PSG2: variants seen among roughly 807,000 people sequenced by gnomAD.
PSG2 encodes the protein pregnancy-specific beta-1-glycoprotein 2.
In PSG2, 49 loss-of-function variants were observed where a neutral mutation model predicts 36.2. The observed-to-expected ratio is 1.35, with a 90% confidence interval of 1.08 to 1.72. The LOEUF is 1.72. PSG2 is among the 40% of genes most tolerant of loss of function. The pLI, the probability that PSG2 is intolerant of heterozygous loss-of-function variation, is 0.00. For missense variants in PSG2, 605 were observed against 407.2 expected (o/e 1.49, Z -4.18); for synonymous variants, 261 against 155.6 (o/e 1.68, Z -5.04).
At position 43,081,161 on chromosome 19, in the gene PSG2, A is replaced by G. The variant is rs1270190299; in HGVS notation, c.150T>C (p.Asp50=). The G allele has an allele frequency of 3.1e-6, 5 of 1,612,698 alleles. No homozygotes were observed. In the Admixed American group the frequency reaches 6.7e-5, roughly 22 times the overall value. The change falls in exon 2 of 6, where the codon GAT becomes GAC. Residue 50 remains aspartate, a synonymous_variant. Transcript: ENST00000406487. ...GCAAATTGTGGACAAGTAGAAGAAC[A>G]TCCTTCCCCTCGGAAACTTTTGGTG... is the stretch of plus-strand genomic sequence containing the variant. ...AQPPKVSEGK[D]VLLLVHNLPQ...
At chr19:43,076,420 T>C (rs536924172) in intron 2 of PSG2, among the ~76,000 whole-genome samples, 5 of 151,922 alleles carry the variant, frequency 3.3e-5, no homozygotes, top group African/African-American at 1.2e-4. Context: ...TGGACCTTTC[T>C]AGAAATACAT....
At chr19:43,078,783 A>G (rs946454345) in intron 2 of PSG2, among the ~76,000 whole-genome samples, 3 of 151,662 alleles carry the variant, frequency 2.0e-5, no homozygotes, top group African/African-American at 7.3e-5. Flanking sequence ...CACCATTTCA[A>G]TAATTTTTTT....
chr19:43,073,994 T>C (rs1401102513), intron 3 of PSG2, among the ~76,000 whole-genome samples: 1 of 151,740 alleles, frequency 6.6e-6, no homozygotes, highest in Non-Finnish European at 1.5e-5. Context: ...GCCCTTTTTT[T>C]TCTCTCACCA....
chr19:43,078,721 G>C (rs933911090), intron 2 of PSG2, among the ~76,000 whole-genome samples: 1 of 151,626 alleles, frequency 6.6e-6, no homozygotes, highest in Non-Finnish European at 1.5e-5. Flanking sequence ...ATAAACCTCT[G>C]TCCTCCTGTT....
chr19:43,071,486 C>G (rs1033948307), intron 4 of PSG2, among the ~76,000 whole-genome samples: 1 of 151,626 alleles, frequency 6.6e-6, no homozygotes, highest in African/African-American at 2.4e-5. Context: ...CCCTACCTTT[C>G]TCAGGCGAGA....
intron 4 of PSG2, among the ~76,000 whole-genome samples, chr19:43,067,463 T>C (rs1967755659): frequency 6.6e-6 from 1 of 151,268 alleles, no homozygotes. Flanking sequence ...TATATATATA[T>C]GGAAAAAGGT....
chr19:43,074,158 T>C (rs1967858759), intron 3 of PSG2, among the ~76,000 whole-genome samples: 1 of 151,622 alleles, frequency 6.6e-6, no homozygotes, highest in Admixed American at 6.6e-5. Context: ...TTTTTCACAG[T>C]GTTTCTGTTG....
intron 3 of PSG2, among the ~76,000 whole-genome samples, chr19:43,075,011 G>C (rs989195444): frequency 6.6e-6 from 1 of 151,638 alleles, no homozygotes; most frequent in Non-Finnish European, 1.5e-5. Flanking sequence ...GAAAATCCTG[G>C]TCTGTGGAAG....
At chr19:43,073,961 G>A (rs951617631) in intron 3 of PSG2, among the ~76,000 whole-genome samples, 1 of 151,696 alleles carries the variant, frequency 6.6e-6, no homozygotes, top group African/African-American at 2.4e-5. Context: ...AAAAGTGGGA[G>A]GTGATAAGCC....
chr19:43,066,251 G>A (rs1967737904), intron 5 of PSG2, among the ~76,000 whole-genome samples: 1 of 151,544 alleles, frequency 6.6e-6, no homozygotes, highest in Non-Finnish European at 1.5e-5. Flanking sequence ...AATGAAGAGG[G>A]TTTCACCATG....
Position 43,071,651 on chromosome 19 carries a change from A to G in PSG2, c.964+49T>C, listed in dbSNP as rs1063003. 1.2e-5 allele frequency: 19 copies of G among 1,612,634 alleles called. 1 individual carries two copies. The highest frequency in any genetic ancestry group is 8.3e-5 in the Admixed American group (5 of 59,960). On this transcript the variant is annotated intron_variant, in intron 4 of 5. Coordinates refer to ENST00000406487, the MANE Select transcript of PSG2 (RefSeq NM_031246.4). The stretch of plus-strand genomic sequence containing the variant: ...TTCCTGACTCTTCTCTGAAAGCCAG[A>G]TAGACTCCACCTAAAACCCTACTGC...
chr19:43,075,604 G>C lies in PSG2; in HGVS notation c.459C>G (p.Ser153Arg), dbSNP rs777258282. 4 of 1,613,010 alleles carry C rather than the reference G, an allele frequency of 2.5e-6. No individual in the cohort carries two copies. In the African/African-American group the frequency reaches 5.4e-5, roughly 22 times the overall value. ...TGGCCTCCCTGGGGTTTAAGTTGCT[G>C]CTGGAGATGGAGGGCTTGGGAGTCT... Reference protein sequence around the residue: ...YLETPKPSISSSNLNPREAME... With the variant: ...YLETPKPSISRSNLNPREAME... Residue 153 changes from serine (S) to arginine (R), a missense_variant, in exon 3 of 6, where the codon AGC (serine) becomes AGG (arginine). By Grantham distance (110) the Ser-to-Arg change is moderately radical. Coordinates refer to ENST00000406487, the MANE Select transcript of PSG2 (RefSeq NM_031246.4).
intron 5 of PSG2, among the ~76,000 whole-genome samples, chr19:43,064,810 C>T (rs1271378819): frequency 6.6e-6 from 1 of 151,718 alleles, no homozygotes; most frequent in South Asian, 2.1e-4. Context: ...TCAGAAATTT[C>T]ATATAATTTT....
intron 4 of PSG2, 43 bp downstream of exon 4, chr19:43,071,657 T>G: frequency 3.1e-6 from 5 of 1,612,532 alleles, no homozygotes; most frequent in Non-Finnish European, 3.4e-6. Flanking sequence ...CCAGATAGAC[T>G]CCACCTAAAA....
chr19:43,065,552 T>C (rs548683101), intron 5 of PSG2: 2 of 151,790 alleles, frequency 1.3e-5, no homozygotes, highest in African/African-American at 4.9e-5. Flanking sequence ...AGAAATGTTT[T>C]CCAGTGATTC....
chr19:43,078,303 A>G (rs1433204116), intron 2 of PSG2, among the ~76,000 whole-genome samples: 2 of 151,792 alleles, frequency 1.3e-5, no homozygotes, highest in Admixed American at 6.6e-5. Flanking sequence ...GTGAAAGACC[A>G]TGAGATTAAG....
chr19:43,066,252 T>G, intron 5 of PSG2, among the ~76,000 whole-genome samples: 1 of 150,978 alleles, frequency 6.6e-6, no homozygotes. Flanking sequence ...ATGAAGAGGG[T>G]TTCACCATGT....
At chr19:43,076,833 T>G (rs79392180) in intron 2 of PSG2, among the ~76,000 whole-genome samples, 2 of 151,418 alleles carry the variant, frequency 1.3e-5, no homozygotes, top group African/African-American at 4.9e-5. Flanking sequence ...CTAATTTTTT[T>G]ATTTTGGAAT....
chr19:43,073,345 A>G (rs1412820197), intron 3 of PSG2, among the ~76,000 whole-genome samples: 3 of 151,782 alleles, frequency 2.0e-5, no homozygotes, highest in Admixed American at 6.6e-5. Flanking sequence ...TTTGGAGCAG[A>G]AGCATGTTCC....
Sources: allele counts gnomAD v4.1 joint callset (sites outside exome capture counted in the v4.1 genomes callset), GRCh38; gene constraint gnomAD v4.1.1; transcripts MANE v1.5; gene names NCBI Gene and HGNC (gene_info 2026-07-23, HGNC 2026-07-21).